PIK3C2G: variants seen among roughly 807,000 people sequenced by gnomAD.
PIK3C2G encodes phosphatidylinositol 3-kinase C2 domain-containing subunit gamma.
A neutral mutation model predicts 181.1 loss-of-function variants in PIK3C2G; 168 were observed. The observed-to-expected ratio is 0.93, with a 90% CI of 0.82 to 1.05. The LOEUF is 1.05. Ranked by LOEUF, PIK3C2G falls within the 50% of genes least tolerant of loss-of-function variation. The pLI is 0.00. For missense variants in PIK3C2G, 1,869 were observed against 1,732.8 expected (o/e 1.08, Z -1.40); for synonymous variants, 573 against 592.2 (o/e 0.97, Z 0.47).
chr12:18,255,610 T>C (rs7962161), intron 1 of PIK3C2G, among the ~76,000 whole-genome samples: 66,833 of 151,986 alleles, frequency 0.44, 15,138 homozygotes, highest in East Asian at 0.75. Context: ...CACAGATAAT[T>C]CTTTTAAGAA....
At chr12:18,320,573 A>G (rs1565594447) in intron 6 of PIK3C2G, among the ~76,000 whole-genome samples, 1 of 152,258 alleles carries the variant, frequency 6.6e-6, no homozygotes, top group Non-Finnish European at 1.5e-5. Flanking sequence ...CTGCCCGCCC[A>G]TCTGGCAAAA....
At chr12:18,446,602 T>C (rs962991442) in intron 18 of PIK3C2G, among the ~76,000 whole-genome samples, 2 of 152,176 alleles carry the variant, frequency 1.3e-5, no homozygotes, top group Non-Finnish European at 2.9e-5. Context: ...CTCAAGTTGT[T>C]TGAATGGTGC....
intron 25 of PIK3C2G, among the ~76,000 whole-genome samples, chr12:18,539,882 T>C (rs1018781919): frequency 2.0e-5 from 3 of 151,896 alleles, no homozygotes; most frequent in Admixed American, 6.6e-5. Flanking sequence ...ATCTTCAAGA[T>C]TACTTTTCAG....
intron 18 of PIK3C2G, among the ~76,000 whole-genome samples, chr12:18,485,284 A>G (rs1939921108): frequency 6.6e-6 from 1 of 152,178 alleles, no homozygotes; most frequent in Non-Finnish European, 1.5e-5. Context: ...GTCCCTCATC[A>G]TGTGACCAGA....
At position 18,609,542 on chromosome 12, in the gene PIK3C2G, G is replaced by T; in HGVS notation, c.4095G>T (p.Lys1365Asn). ...EESSPVYLGE[K>N]FPDKKPKVQL... Reference sequence around the variant, plus strand: ...ATTCTATTCTTTTATCAGGTGAGAAGTTTCCAGACAAGAAGCCTAAGGTGC... The same window carrying T: ...ATTCTATTCTTTTATCAGGTGAGAATTTTCCAGACAAGAAGCCTAAGGTGC... Residue 1365 changes from lysine (K) to asparagine (N), a missense_variant, in exon 31 of 33, where the codon AAG becomes AAT. Physicochemically the swap from Lys to Asn is moderately conservative, Grantham distance 94. Transcript: ENST00000538779. The T allele has an allele frequency of 6.4e-7, 1 of 1,574,750 alleles. No individual in the cohort carries two copies. Among genetic ancestry groups the T allele is most frequent in the Non-Finnish European group, 8.6e-7 (1 of 1,156,198 alleles).
In PIK3C2G at chr12:18,325,101, A is replaced by G; in HGVS notation, c.1272+3A>G. 5 of 1,527,180 alleles carry G rather than the reference A, an allele frequency of 3.3e-6. No homozygotes were observed. The highest frequency in any genetic ancestry group is 4.5e-6 in the Non-Finnish European group (5 of 1,105,132). 94.6% of individuals were successfully genotyped at this position (1,527,180 alleles called of 1,614,324 possible). A position where few individuals can be genotyped will look rare whatever the true frequency, so the allele number is the denominator to read the frequency against. ...TGAAATACCTATTGAAAACCCAGGT[A>G]TTGACTTTTGTTACTTTATCCATCA... On this transcript the variant is annotated splice_donor_region_variant and intron_variant, in intron 8 of 32. Transcript: ENST00000538779.
intron 30 of PIK3C2G, among the ~76,000 whole-genome samples, chr12:18,605,575 A>G (rs1947974231): frequency 2.6e-5 from 4 of 152,134 alleles, no homozygotes. Context: ...ACAGGACACA[A>G]CCAAAAAAGA....
chr12:18,665,396 AT>A, the PIK3C2G span, among the ~76,000 whole-genome samples: 1 of 152,108 alleles, frequency 6.6e-6, no homozygotes, highest in Non-Finnish European at 1.5e-5. Context: ...TATTATTTGT[AT>A]TTCACCACAA....
intron 24 of PIK3C2G, among the ~76,000 whole-genome samples, chr12:18,537,918 T>A (rs1205512617): frequency 1.3e-5 from 2 of 152,020 alleles, no homozygotes; most frequent in East Asian, 3.9e-4. Context: ...ATTAAACATT[T>A]CAGACAATAT....
chr12:18,612,942 A>G (rs1354435160), intron 31 of PIK3C2G, among the ~76,000 whole-genome samples: 2 of 152,128 alleles, frequency 1.3e-5, no homozygotes, highest in African/African-American at 4.8e-5. Flanking sequence ...AAGCATCACA[A>G]TATGATTCAC....
At chr12:18,289,884 A>C (rs1949614734) in intron 3 of PIK3C2G, among the ~76,000 whole-genome samples, 1 of 260 alleles carries the variant, frequency 3.8e-3, no homozygotes, top group African/African-American at 7.1e-3. Flanking sequence ...AGCATAGTTA[A>C]CATAAAAAAA....
chr12:18,260,873 C>T (rs541838524), upstream of PIK3C2G, among the ~76,000 whole-genome samples: 5 of 152,080 alleles, frequency 3.3e-5, no homozygotes, highest in East Asian at 9.7e-4. Flanking sequence ...TGTTCAATTT[C>T]AAGAGCAGTA....
the PIK3C2G span, chr12:18,723,658 A>G: frequency 6.9e-6 from 6 of 865,474 alleles, no homozygotes; most frequent in Non-Finnish European, 9.1e-6. Flanking sequence ...TGAAAATTAC[A>G]TTGGATTCTT....
chr12:18,265,125 C>T (rs979018273), intron 1 of PIK3C2G, among the ~76,000 whole-genome samples: 5 of 152,116 alleles, frequency 3.3e-5, no homozygotes, highest in African/African-American at 1.2e-4. Flanking sequence ...TATTCAAACT[C>T]CAAGGAGAAA....
rs141240442 is a variant in PIK3C2G at position 18,577,794 on chromosome 12, A to G, written c.4011+10737A>G. On this transcript the variant is annotated intron_variant, in intron 29 of 32. Transcript: ENST00000538779. ...GTACCATACCTTCCTGAGATGTACAATCTACATCTCACTTATTATTTGCCC... is the reference window on the plus strand; with the variant it reads ...GTACCATACCTTCCTGAGATGTACAGTCTACATCTCACTTATTATTTGCCC... Among the ~76,000 whole-genome samples the G allele has an allele frequency of 1.7e-3, 257 of 152,320 alleles. 1 individual carries two copies. The highest frequency in any genetic ancestry group is 6.8e-3 in the Middle Eastern group (2 of 294).
At chr12:18,623,303 C>G (rs1469567473) in intron 31 of PIK3C2G, among the ~76,000 whole-genome samples, 1 of 151,702 alleles carries the variant, frequency 6.6e-6, no homozygotes, top group African/African-American at 2.4e-5. Context: ...TAGAGGCTGT[C>G]CTTTTCTCAT....
In PIK3C2G at chr12:18,408,965, T is replaced by C. The variant is rs1944700317; in HGVS notation, c.2315+9118T>C. Among the ~76,000 whole-genome samples the C allele has an allele frequency of 2.0e-5, 3 of 152,278 alleles. No homozygotes were observed. The South Asian group carries it at 6.2e-4, about 32-fold the overall frequency. ...ACTGTTGGTGGGAGTGTAAATTAGT[T>C]CAACCTTTGTGGAAGACAATGTGGC... On this transcript the variant is annotated intron_variant, in intron 16 of 32. Transcript: ENST00000538779.
intron 26 of PIK3C2G, among the ~76,000 whole-genome samples, chr12:18,550,779 T>C (rs78161887): frequency 0.045 from 6,833 of 152,060 alleles, 346 homozygotes; most frequent in African/African-American, 0.13. Flanking sequence ...CCTTCTCCAC[T>C]AGGCTCACAG....
At chr12:18,524,652 G>A (rs567244936) in intron 24 of PIK3C2G, among the ~76,000 whole-genome samples, 9 of 149,738 alleles carry the variant, frequency 6.0e-5, no homozygotes, top group Non-Finnish European at 8.9e-5. Flanking sequence ...TGCAACCTCC[G>A]CCTCCCAGGT....
Sources: allele counts gnomAD v4.1 joint callset (sites outside exome capture counted in the v4.1 genomes callset), GRCh38; gene constraint gnomAD v4.1.1; transcripts MANE v1.5; gene names NCBI Gene and HGNC (gene_info 2026-07-23, HGNC 2026-07-21).